Variants in SLC27A2 observed in about 807,000 individuals in gnomAD.
SLC27A2 encodes the protein solute carrier family 27 member 2.
In SLC27A2, 54 loss-of-function variants were observed where a neutral mutation model predicts 60.0. The ratio of observed to expected loss-of-function variants is 0.90; its 90% confidence interval spans 0.72 to 1.13. The LOEUF is 1.13. Among genes scored for constraint, SLC27A2 ranks in the 50% most tolerant of loss-of-function variants. The probability of loss-of-function intolerance (pLI) is 0.00; values close to 1 mark genes in which losing one functional copy is unlikely to be tolerated. For synonymous variants in SLC27A2, 297 were observed against 297.6 expected, an observed-to-expected ratio of 1.00 and a Z score of 0.02; for missense variants, 739 against 777.6, an observed-to-expected ratio of 0.95 and a Z score of 0.59.
intron 1 of SLC27A2, among the ~76,000 whole-genome samples, chr15:50,187,540 G>A (rs145523745): frequency 0.019 from 2,913 of 152,212 alleles, 41 homozygotes; most frequent in Non-Finnish European, 0.029. Context: ...CAGGTCTCCT[G>A]AGGGTCCCTT....
intron 1 of SLC27A2, 57 bp downstream of exon 1, chr15:50,182,962 C>T (rs945509366): frequency 9.9e-6 from 15 of 1,517,254 alleles, no homozygotes; most frequent in Non-Finnish European, 1.3e-5. Context: ...CCTTGACTGA[C>T]GAGCCACAGC....
At chr15:50,210,781 C>T (rs1389492188) in intron 4 of SLC27A2, among the ~76,000 whole-genome samples, 3 of 152,170 alleles carry the variant, frequency 2.0e-5, no homozygotes, top group African/African-American at 7.2e-5. Flanking sequence ...GAAACAGACT[C>T]GGGGCCGTTG....
At chr15:50,224,868 G>A (rs2140912190) in intron 5 of SLC27A2, among the ~76,000 whole-genome samples, 1 of 152,256 alleles carries the variant, frequency 6.6e-6, no homozygotes, top group Middle Eastern at 3.4e-3. Context: ...GCTGCAGACT[G>A]AGAATCGATC....
chr15:50,182,223 G>A lies in SLC27A2; in HGVS notation c.-205G>A, dbSNP rs190379442. The A allele has an allele frequency of 3.6e-5, 27 of 748,966 alleles. No individual in the cohort carries two copies. Among genetic ancestry groups the A allele is most frequent in the Middle Eastern group, 4.4e-4 (1 of 2,258 alleles). The allele number at this position is 748,966 out of a possible 1,614,324, so 46.4% of individuals were successfully genotyped here. A position where few individuals can be genotyped will look rare whatever the true frequency, so the allele number is the denominator to read the frequency against. On this transcript the variant is annotated 5_prime_UTR_variant, in exon 1 of 10. Transcript: ENST00000267842. ...TCCTGCCCGGAACCCCCGGCAACGC[G>A]CATACGACTACACCTGCTCCGGAGC...
chr15:50,217,507 G>T (rs1383309510), intron 4 of SLC27A2, among the ~76,000 whole-genome samples: 1 of 152,122 alleles, frequency 6.6e-6, no homozygotes, highest in Non-Finnish European at 1.5e-5. Flanking sequence ...TATGCTTGCA[G>T]GCAGGATATT....
At chr15:50,230,989 G>C (rs1367318842) in intron 8 of SLC27A2, among the ~76,000 whole-genome samples, 1 of 152,142 alleles carries the variant, frequency 6.6e-6, no homozygotes, top group African/African-American at 2.4e-5. Context: ...AATCTCTGGG[G>C]TGGGGCCAGG....
intron 4 of SLC27A2, among the ~76,000 whole-genome samples, chr15:50,205,736 T>C (rs1346912758): frequency 6.6e-6 from 1 of 152,166 alleles, no homozygotes; most frequent in Non-Finnish European, 1.5e-5. Flanking sequence ...CTCCCCTACG[T>C]CATTTTATTT....
At chr15:50,224,508 A>T (rs977302326) in intron 5 of SLC27A2, among the ~76,000 whole-genome samples, 1 of 152,224 alleles carries the variant, frequency 6.6e-6, no homozygotes, top group African/African-American at 2.4e-5. Flanking sequence ...CCTGTCATTT[A>T]ACAGCCTTGA....
chr15:50,224,247 T>A (rs2045263982), intron 5 of SLC27A2, among the ~76,000 whole-genome samples: 1 of 152,132 alleles, frequency 6.6e-6, no homozygotes, highest in Admixed American at 6.5e-5. Context: ...GAGACCATCC[T>A]GGCTAACACG....
In SLC27A2 at chr15:50,230,038, A is replaced by G. The variant is rs557208550; in HGVS notation, c.1555+996A>G. Among the ~76,000 whole-genome samples the G allele has an allele frequency of 3.3e-5, 5 of 150,426 alleles. No homozygotes were observed. In the South Asian group the frequency reaches 6.4e-4, roughly 19 times the overall value. ...ATCATGAGGTCAGGAGATCGAGAGT[A>G]TACTGGCCAACATGGTGAAACTCCA... is the stretch of plus-strand genomic sequence containing the variant. On this transcript the variant is annotated intron_variant, in intron 8 of 9. Transcript: ENST00000267842.
At chr15:50,227,243 A>C in intron 7 of SLC27A2, 65 bp downstream of exon 7, 2 of 1,257,662 alleles carry the variant, frequency 1.6e-6, no homozygotes, top group Admixed American at 3.6e-5. Flanking sequence ...CTCCTAGTGG[A>C]ATCGCATTCC....
Position 50,182,701 on chromosome 15 carries a change from G to T in SLC27A2, c.274G>T (p.Ala92Ser). 6.2e-7 allele frequency: 1 copy of T among 1,613,904 alleles called. No homozygotes were observed. The highest frequency in any genetic ancestry group is 8.5e-7 in the Non-Finnish European group (1 of 1,179,922). ...GGTGGACCGGCGCAGCAATCAAGTG[G>T]CCCGGGCGCTGCACGACCACCTCGG... ...AQVDRRSNQV[A>S]RALHDHLGLR... Residue 92 changes from alanine (A) to serine (S), a missense_variant, in exon 1 of 10, where the codon GCC becomes TCC. Physicochemically the swap from Ala to Ser is moderately conservative, Grantham distance 99. Transcript: ENST00000267842.
chr15:50,208,271 A>G (rs760477134), intron 4 of SLC27A2, among the ~76,000 whole-genome samples: 118 of 152,346 alleles, frequency 7.7e-4, no homozygotes, highest in Admixed American at 1.2e-3. Flanking sequence ...CTAGTAGAGC[A>G]GTGGGCTATG....
rs1218005947 is a variant in SLC27A2, at chr15:50,182,553, G to A, written c.126G>A (p.Arg42=). ...YFLKVAAVGR[R]VRSYGKRRPA... ...TGAAGGTGGCCGCCGTGGGCCGGAG[G>A]GTGCGCAGCTACGGGAAGCGGCGGC... Residue 42 remains arginine, a synonymous_variant, in exon 1 of 10, where the codon AGG becomes AGA. Transcript: ENST00000267842. 1.9e-6 allele frequency: 3 copies of A among 1,613,212 alleles called. No individual in the cohort carries two copies. Among genetic ancestry groups the A allele is most frequent in the Non-Finnish European group, 2.5e-6 (3 of 1,179,558 alleles).
intron 4 of SLC27A2, among the ~76,000 whole-genome samples, chr15:50,212,699 T>C (rs990434748): frequency 6.6e-6 from 1 of 152,150 alleles, no homozygotes; most frequent in East Asian, 1.9e-4. Flanking sequence ...AAGCATCATA[T>C]ATGAAGAAAA....
In SLC27A2 at chr15:50,197,889, C is replaced by A. The variant is rs1183768343; in HGVS notation, c.688+180C>A. ...GCATGTGATCCCATTTGCGTTTCTC[C>A]AAGCTATGCATATTTTCCGCCAGTT... On this transcript the variant is annotated intron_variant, in intron 2 of 9. Coordinates refer to ENST00000267842, the MANE Select transcript of SLC27A2 (RefSeq NM_003645.4). Among the ~76,000 whole-genome samples, 3 of 152,160 alleles carry A rather than the reference C, an allele frequency of 2.0e-5. No individual in the cohort carries two copies. In the East Asian group the frequency reaches 5.8e-4, roughly 29 times the overall value.
chr15:50,223,897 G>C (rs761835673), intron 5 of SLC27A2, among the ~76,000 whole-genome samples: 2 of 152,116 alleles, frequency 1.3e-5, no homozygotes, highest in Non-Finnish European at 2.9e-5. Flanking sequence ...TGAAACAGCC[G>C]CACCAGAACT....
chr15:50,227,223 G>A (rs767394154), intron 7 of SLC27A2, 45 bp downstream of exon 7: 2 of 1,504,574 alleles, frequency 1.3e-6, no homozygotes, highest in Non-Finnish European at 1.8e-6. Context: ...CACACGCACA[G>A]TTTGGCTTAC....
chr15:50,200,048 A>G (rs577267153), intron 2 of SLC27A2, among the ~76,000 whole-genome samples: 1 of 152,226 alleles, frequency 6.6e-6, no homozygotes, highest in East Asian at 1.9e-4. Flanking sequence ...TAGTTACCAG[A>G]TATTCTCATT....
Sources: gnomAD v4.1 joint callset for allele counts (sites outside exome capture counted in the v4.1 genomes callset) on GRCh38, gnomAD v4.1.1 for gene constraint, MANE v1.5 for transcripts, NCBI Gene and HGNC (gene_info 2026-07-23, HGNC 2026-07-21) for gene names.